Variants in ATP11A observed in about 807,000 individuals in gnomAD.
ATP11A encodes phospholipid-transporting ATPase IH.
Under a neutral mutation model 154.4 loss-of-function variants are expected in ATP11A, and 81 were observed. The ratio of observed to expected loss-of-function variants is 0.52; its 90% CI spans 0.44 to 0.63. The LOEUF is 0.63. ATP11A is among the 30% of genes least tolerant of loss of function. The pLI, the probability that ATP11A is intolerant of heterozygous loss-of-function variation, is 0.00. For missense variants in ATP11A, 1,316 were observed against 1,474.3 expected (o/e 0.89, Z 1.76); for synonymous variants, 623 against 585.9 (o/e 1.06, Z -0.91).
intron 1 of ATP11A, among the ~76,000 whole-genome samples, chr13:112,733,089 G>T (rs1415150404): frequency 6.6e-6 from 1 of 152,078 alleles, no homozygotes; most frequent in African/African-American, 2.4e-5. Context: ...TGTTAAATTG[G>T]GCATTAGAAG....
At chr13:112,879,460 G>A (rs924517287) in intron 29 of ATP11A, among the ~76,000 whole-genome samples, 7 of 152,188 alleles carry the variant, frequency 4.6e-5, no homozygotes, top group Non-Finnish European at 8.8e-5. Flanking sequence ...CTCATAAGAG[G>A]TCCTTAAGAA....
intron 2 of ATP11A, among the ~76,000 whole-genome samples, chr13:112,800,777 A>G (rs2078112477): frequency 6.6e-6 from 1 of 152,186 alleles, no homozygotes; most frequent in South Asian, 2.1e-4. Context: ...CCAATTCAAC[A>G]ATGTATAAAA....
intron 1 of ATP11A, among the ~76,000 whole-genome samples, chr13:112,765,194 C>T (rs2077047139): frequency 6.8e-6 from 1 of 147,710 alleles, no homozygotes; most frequent in Admixed American, 6.8e-5. Flanking sequence ...CTGGGTCTTC[C>T]AGTCTCATGT....
intron 16 of ATP11A, among the ~76,000 whole-genome samples, chr13:112,840,547 T>TCCTGTCC (rs1209074461): frequency 7.5e-6 from 1 of 134,170 alleles, no homozygotes; most frequent in Non-Finnish European, 1.6e-5. Context: ...CTCCCTACTC[T>TCCTGTCC]CCTGTCCCCT....
intron 1 of ATP11A, among the ~76,000 whole-genome samples, chr13:112,723,047 C>T (rs1056836892): frequency 6.6e-6 from 1 of 151,966 alleles, no homozygotes. Context: ...GATAAGGAGG[C>T]CCTGTCAGAG....
intron 1 of ATP11A, among the ~76,000 whole-genome samples, chr13:112,770,852 C>G (rs11841922): frequency 0.015 from 2,276 of 152,296 alleles, 69 homozygotes; most frequent in African/African-American, 0.052. Context: ...GACCATCAAA[C>G]AAGAAACGTT....
In ATP11A at chr13:112,882,374, T is replaced by C; in HGVS notation, c.*508T>C. On this transcript the variant is annotated 3_prime_UTR_variant, in exon 30 of 30. Coordinates refer to ENST00000375645, the MANE Select transcript of ATP11A (RefSeq NM_015205.3). The surrounding 1 kb of genome is among the most constrained non-coding windows in gnomAD (Gnocchi z 5.1). ...GTCCAGGGACCCATGGTGGCCCACATGTGGATGCCACATGCTGCTGTTTCC... is the reference window on the plus strand; with the variant it reads ...GTCCAGGGACCCATGGTGGCCCACACGTGGATGCCACATGCTGCTGTTTCC... The C allele has an allele frequency of 2.7e-6, 1 of 369,200 alleles. No individual in the cohort carries two copies. Among genetic ancestry groups the C allele is most frequent in the South Asian group, 2.7e-5 (1 of 37,292 alleles). The allele number at this position is 369,200 out of a possible 1,614,324, so 22.9% of individuals were successfully genotyped here.
At chr13:112,849,334 T>A (rs1177304993) in intron 17 of ATP11A, among the ~76,000 whole-genome samples, 1 of 152,242 alleles carries the variant, frequency 6.6e-6, no homozygotes, top group African/African-American at 2.4e-5. Flanking sequence ...TTATGTGCTG[T>A]GTCCAGGGTT....
intron 1 of ATP11A, among the ~76,000 whole-genome samples, chr13:112,693,556 C>T (rs975791186): frequency 6.6e-6 from 1 of 151,330 alleles, no homozygotes. Flanking sequence ...CGTGGACTGG[C>T]GTATGTGTTG....
rs770606331 is a variant in ATP11A, at chr13:112,754,223, G to A, written c.40-30912G>A. The stretch of plus-strand genomic sequence containing the variant: ...TTTCTCGCAGAAGGCAGAGAAGGCC[G>A]TGGAATAACAGGGCCGGGTTCTCAC... On this transcript the variant is annotated intron_variant, in intron 1 of 29. Transcript: ENST00000375645. The surrounding 1 kb of genome is among the most constrained non-coding windows in gnomAD (Gnocchi z 5.3). Among the ~76,000 whole-genome samples, 5 of 152,204 alleles carry A rather than the reference G, an allele frequency of 3.3e-5. No homozygotes were observed. The highest frequency in any genetic ancestry group is 6.5e-5 in the Admixed American group (1 of 15,278).
intron 1 of ATP11A, among the ~76,000 whole-genome samples, chr13:112,718,795 T>G (rs986642772): frequency 1.3e-5 from 2 of 151,952 alleles, no homozygotes; most frequent in African/African-American, 4.8e-5. Flanking sequence ...CTCAGCTTCC[T>G]GAGTAGCTGG....
intron 1 of ATP11A, among the ~76,000 whole-genome samples, chr13:112,783,815 A>G (rs2077557438): frequency 6.6e-6 from 1 of 152,218 alleles, no homozygotes; most frequent in South Asian, 2.1e-4. Context: ...TGCTGACATC[A>G]AATGGCCCGC....
chr13:112,826,907 G>C lies in ATP11A; in HGVS notation c.1221+16G>C, dbSNP rs1420507361. 4 of 1,613,828 alleles carry C rather than the reference G, an allele frequency of 2.5e-6. No individual in the cohort carries two copies. The highest frequency in any genetic ancestry group is 2.2e-5 in the East Asian group (1 of 44,876). On this transcript the variant is annotated intron_variant, in intron 12 of 29. Coordinates refer to ENST00000375645, the MANE Select transcript of ATP11A (RefSeq NM_015205.3). Reference sequence around the variant, plus strand: ...GCTGGGACAGGTTGGTGTCTCCTGAGTCATCTGCTGTGATTTATTAACATC... The same window carrying C: ...GCTGGGACAGGTTGGTGTCTCCTGACTCATCTGCTGTGATTTATTAACATC...
At chr13:112,857,723 C>T (rs1047746144) in intron 20 of ATP11A, 95 bp from the exon 21 acceptor site, 2 of 1,031,826 alleles carry the variant, frequency 1.9e-6, no homozygotes, top group African/African-American at 1.6e-5. Flanking sequence ...TTTGCCTAGG[C>T]TAACTTTTCA....
chr13:112,711,683 C>A (rs1887773076), intron 1 of ATP11A, among the ~76,000 whole-genome samples: 1 of 152,220 alleles, frequency 6.6e-6, no homozygotes, highest in Non-Finnish European at 1.5e-5. Flanking sequence ...CCGGGCAAGA[C>A]TCTGTTTTGC....
chr13:112,873,429 G>C lies in ATP11A; in HGVS notation c.3058-144G>C, dbSNP rs538613989. On this transcript the variant is annotated intron_variant, in intron 26 of 29. Coordinates refer to ENST00000375645, the MANE Select transcript of ATP11A (RefSeq NM_015205.3). ...AGGTGTGGCTTTGTCTTCCTGAGCC[G>C]TGTTTTGCAGGCATTGAGTCGTCAT... 5.1e-6 allele frequency: 3 copies of C among 590,302 alleles called. No individual in the cohort carries two copies. The African/African-American group carries it at 5.8e-5, about 11-fold the overall frequency. 36.6% of individuals were successfully genotyped at this position (590,302 alleles called of 1,614,324 possible).
At chr13:112,714,680 G>A (rs1407796782) in intron 1 of ATP11A, among the ~76,000 whole-genome samples, 1 of 152,234 alleles carries the variant, frequency 6.6e-6, no homozygotes, top group Non-Finnish European at 1.5e-5. Flanking sequence ...TCTCGACCTT[G>A]GGCTGGAGCG....
At chr13:112,750,983 C>T (rs1052454809) in intron 1 of ATP11A, among the ~76,000 whole-genome samples, 2 of 152,212 alleles carry the variant, frequency 1.3e-5, no homozygotes, top group African/African-American at 4.8e-5. Context: ...GGTACAATAG[C>T]ATTATTATTC....
chr13:112,691,289 C>G (rs1885138120), intron 1 of ATP11A, among the ~76,000 whole-genome samples: 1 of 151,842 alleles, frequency 6.6e-6, no homozygotes, highest in Admixed American at 6.6e-5. Context: ...ATGGTGAAAC[C>G]CCGTCTCTGC....
Sources: gnomAD v4.1 joint callset for allele counts (sites outside exome capture counted in the v4.1 genomes callset) on GRCh38, gnomAD v4.1.1 for gene constraint, Gnocchi (gnomAD v3.1) non-coding constraint, MANE v1.5 for transcripts, NCBI Gene and HGNC (gene_info 2026-07-23, HGNC 2026-07-21) for gene names.